B3GNT2: variants seen among roughly 807,000 people sequenced by gnomAD.
B3GNT2 encodes N-acetyllactosaminide beta-1,3-N-acetylglucosaminyltransferase 2.
In B3GNT2, 12 loss-of-function variants were observed where a neutral mutation model predicts 27.6. That is an observed-to-expected ratio of 0.44 (90% CI 0.28 to 0.71). The LOEUF (loss-of-function observed/expected upper bound fraction) is 0.71. Among genes scored for constraint, B3GNT2 ranks in the 30% least tolerant of loss-of-function variants. B3GNT2 has a pLI of 0.17. For missense variants in B3GNT2, 413 were observed against 488.5 expected, an observed-to-expected ratio of 0.85 and a Z score of 1.46; for synonymous variants, 192 against 189.7, an observed-to-expected ratio of 1.01 and a Z score of -0.10.
intron 1 of B3GNT2, among the ~76,000 whole-genome samples, chr2:62,197,333 C>G (rs964524549): frequency 6.6e-6 from 1 of 152,258 alleles, no homozygotes; most frequent in Non-Finnish European, 1.5e-5. Context: ...GCAGAACTCC[C>G]TGTACCCCCA....
At chr2:62,208,773 T>G (rs1300078761) in intron 1 of B3GNT2, among the ~76,000 whole-genome samples, 1 of 152,206 alleles carries the variant, frequency 6.6e-6, no homozygotes, top group Non-Finnish European at 1.5e-5. Flanking sequence ...CCCTTCTTGT[T>G]CTCATATTGA....
rs764153622 is a variant in B3GNT2 at position 62,222,600 on chromosome 2, A to G, written c.380A>G (p.Asn127Ser). The G allele has an allele frequency of 4.3e-6, 7 of 1,614,230 alleles. No individual in the cohort carries two copies. The highest frequency in any genetic ancestry group is 5.9e-6 in the Non-Finnish European group (7 of 1,180,040). The change falls in exon 2 of 2, where the codon AAT becomes AGT. Residue 127 changes from asparagine (N) to serine (S), a missense_variant. Coordinates refer to ENST00000301998, the MANE Select transcript of B3GNT2 (RefSeq NM_006577.6). The surrounding 1 kb of genome is among the most constrained non-coding windows in gnomAD (Gnocchi z 4.2). The stretch of plus-strand genomic sequence containing the variant: ...TTTCTGCTGTATTTGAGATGCCGCA[A>G]TTATTCACTGCTTATAGATCAGCCG... ...KDFLLYLRCR[N>S]YSLLIDQPDK...
rs776603372 is a variant in B3GNT2, at chr2:62,223,275, G to A, written c.1055G>A (p.Gly352Asp). 2 of 1,614,016 alleles carry A rather than the reference G, an allele frequency of 1.2e-6. No individual in the cohort carries two copies. The highest frequency in any genetic ancestry group is 1.7e-5 in the Admixed American group (1 of 59,996). The change falls in exon 2 of 2, where the codon GGC (glycine) becomes GAC (aspartate). Residue 352 changes from glycine to aspartate, a missense_variant. By Grantham distance (94) the Gly-to-Asp change is moderately conservative (BLOSUM62 -1). Coordinates refer to ENST00000301998, the MANE Select transcript of B3GNT2 (RefSeq NM_006577.6). Reference protein sequence around the residue: ...KLGLVPEKHKGFRTFDIEEKN... With the variant: ...KLGLVPEKHKDFRTFDIEEKN... Reference sequence around the variant, plus strand: ...GGCCTCGTTCCAGAGAAACACAAAGGCTTCAGGACATTTGATATCGAGGAG... The same window carrying A: ...GGCCTCGTTCCAGAGAAACACAAAGACTTCAGGACATTTGATATCGAGGAG...
intron 1 of B3GNT2, among the ~76,000 whole-genome samples, chr2:62,210,223 G>A (rs1032057551): frequency 3.3e-5 from 5 of 152,152 alleles, no homozygotes; most frequent in Non-Finnish European, 5.9e-5. Context: ...GGTATTGTGT[G>A]GTAGAAAGTA....
chr2:62,217,585 T>C (rs1368111065), intron 1 of B3GNT2, among the ~76,000 whole-genome samples: 1 of 152,098 alleles, frequency 6.6e-6, no homozygotes, highest in Non-Finnish European at 1.5e-5. Context: ...TATGCAGCAC[T>C]GTAGGGGTCG....
chr2:62,217,363 T>C (rs545202571), intron 1 of B3GNT2, among the ~76,000 whole-genome samples: 11 of 152,286 alleles, frequency 7.2e-5, no homozygotes, highest in African/African-American at 2.4e-4. Flanking sequence ...GTTCAGTCAC[T>C]TGTCCACCCA....
intron 1 of B3GNT2, among the ~76,000 whole-genome samples, chr2:62,218,610 G>A (rs1433600704): frequency 6.6e-6 from 1 of 152,178 alleles, no homozygotes; most frequent in Non-Finnish European, 1.5e-5. Context: ...CTAGAATGTG[G>A]TTGAGCCTCA....
At chr2:62,215,166 G>A (rs1674549414) in intron 1 of B3GNT2, among the ~76,000 whole-genome samples, 1 of 152,348 alleles carries the variant, frequency 6.6e-6, no homozygotes, top group African/African-American at 2.4e-5. Flanking sequence ...CTGTGGGACT[G>A]TGTAGGTGAG....
rs1189672254 is a variant in B3GNT2 at position 62,223,238 on chromosome 2, C to T, written c.1018C>T (p.Leu340Phe). The T allele has an allele frequency of 6.2e-7, 1 of 1,614,180 alleles. No homozygotes were observed. Among genetic ancestry groups the T allele is most frequent in the Non-Finnish European group, 8.5e-7 (1 of 1,180,028 alleles). The change falls in exon 2 of 2, where the codon CTT becomes TTT. Residue 340 changes from leucine to phenylalanine, a missense_variant. Physicochemically the swap from Leu to Phe is conservative, Grantham distance 22. Transcript: ENST00000301998. ...TGATGACGTTTATACTGGAATGTGC[C>T]TTCAGAAACTCGGCCTCGTTCCAGA... ...PIDDVYTGMC[L>F]QKLGLVPEKH...
At chr2:62,206,623 C>T (rs1005714664) in intron 1 of B3GNT2, among the ~76,000 whole-genome samples, 1 of 152,136 alleles carries the variant, frequency 6.6e-6, no homozygotes, top group Non-Finnish European at 1.5e-5. Context: ...AGGCTGGCCT[C>T]GAGTGATCCT....
intron 1 of B3GNT2, among the ~76,000 whole-genome samples, chr2:62,209,246 A>G (rs1349673676): frequency 1.3e-5 from 2 of 152,112 alleles, no homozygotes; most frequent in South Asian, 2.1e-4. Context: ...AATTTTGACT[A>G]CTGGACTGGA....
At chr2:62,206,070 A>G (rs1326614611) in intron 1 of B3GNT2, among the ~76,000 whole-genome samples, 1 of 152,180 alleles carries the variant, frequency 6.6e-6, no homozygotes, top group Non-Finnish European at 1.5e-5. Context: ...GGATGTTTTA[A>G]GCCAGGAGAA....
At chr2:62,215,441 G>T (rs1361253810) in intron 1 of B3GNT2, 2 of 152,250 alleles carry the variant, frequency 1.3e-5, no homozygotes, top group Non-Finnish European at 2.9e-5. Flanking sequence ...CAGCTCTTCT[G>T]GTCCCACTGA....
At chr2:62,211,402 A>G (rs1053453391) in intron 1 of B3GNT2, among the ~76,000 whole-genome samples, 1 of 150,834 alleles carries the variant, frequency 6.6e-6, no homozygotes, top group Non-Finnish European at 1.5e-5. Context: ...ACATTTACCT[A>G]TATTCTGGCA....
rs1674713539 is a variant in B3GNT2, at chr2:62,222,262, G to A, written c.42G>A (p.Leu14=). The change falls in exon 2 of 2, where the codon CTG becomes CTA. Residue 14 remains leucine, a synonymous_variant. Transcript: ENST00000301998. The surrounding 1 kb of genome is among the most constrained non-coding windows in gnomAD (Gnocchi z 4.2). Reference sequence around the variant, plus strand: ...GAAGAATAAAGTTGTTGGGTATCCTGATGATGGCAAATGTCTTCATTTATT... The same window carrying A: ...GAAGAATAAAGTTGTTGGGTATCCTAATGATGGCAAATGTCTTCATTTATT... ...GRRRIKLLGI[L]MMANVFIYFI... 7 of 1,612,244 alleles carry A rather than the reference G, an allele frequency of 4.3e-6. No individual in the cohort carries two copies. The highest frequency in any genetic ancestry group is 5.9e-6 in the Non-Finnish European group (7 of 1,179,538).
At chr2:62,202,900 G>T (rs1160223168) in intron 1 of B3GNT2, among the ~76,000 whole-genome samples, 2 of 152,094 alleles carry the variant, frequency 1.3e-5, no homozygotes, top group Non-Finnish European at 2.9e-5. Context: ...CCAGGCACAA[G>T]GCCCCCAGCT....
At chr2:62,212,753 G>A (rs966077530) in intron 1 of B3GNT2, among the ~76,000 whole-genome samples, 1 of 151,852 alleles carries the variant, frequency 6.6e-6, no homozygotes, top group African/African-American at 2.4e-5. Context: ...TCTGTTCCAG[G>A]GCATCCTTTA....
chr2:62,201,909 C>T (rs184860122), intron 1 of B3GNT2, among the ~76,000 whole-genome samples: 165 of 152,294 alleles, frequency 1.1e-3, no homozygotes, highest in Non-Finnish European at 1.8e-3. Flanking sequence ...CAAGAGTCTT[C>T]GTAGGCCTAA....
At position 62,223,331 on chromosome 2, in the gene B3GNT2, G is replaced by T; in HGVS notation, c.1111G>T (p.Asp371Tyr). The T allele has an allele frequency of 1.2e-6, 2 of 1,614,180 alleles. No homozygotes were observed. The highest frequency in any genetic ancestry group is 8.5e-7 in the Non-Finnish European group (1 of 1,180,014). ...KNKNNICSYV[D>Y]LMLVHSRKPQ... is the part of the protein sequence containing the mutation. ...CAAAAATAACATCTGCTCCTATGTAGATCTGATGTTAGTACATAGTAGAAA... is the reference window on the plus strand; with the variant it reads ...CAAAAATAACATCTGCTCCTATGTATATCTGATGTTAGTACATAGTAGAAA... Residue 371 changes from aspartate (D) to tyrosine (Y), a missense_variant, in exon 2 of 2, where the codon GAT becomes TAT. By Grantham distance (160) the Asp-to-Tyr change is radical. Transcript: ENST00000301998.
Sources: gnomAD v4.1 joint callset for allele counts (sites outside exome capture counted in the v4.1 genomes callset) on GRCh38, gnomAD v4.1.1 for gene constraint, Gnocchi (gnomAD v3.1) non-coding constraint, MANE v1.5 for transcripts, NCBI Gene and HGNC (gene_info 2026-07-23, HGNC 2026-07-21) for gene names.